Variants in MST1R observed in about 807,000 individuals in gnomAD.
The protein encoded by MST1R is macrophage-stimulating protein receptor.
In MST1R, 99 loss-of-function variants were observed where a neutral mutation model predicts 117.8. The ratio of observed to expected loss-of-function variants is 0.84; its 90% CI spans 0.71 to 0.99. The LOEUF is 0.99. Among genes scored for constraint, MST1R ranks in the 50% least tolerant of loss-of-function variants. The pLI, the probability that MST1R is intolerant of heterozygous loss-of-function variation, is 0.00. For synonymous variants in MST1R, 734 were observed against 765.3 expected, an observed-to-expected ratio of 0.96 and a Z score of 0.68; for missense variants, 1,683 against 1,840.2, an observed-to-expected ratio of 0.91 and a Z score of 1.56.
At chr3:49,899,524 T>C (rs1037368406) in intron 1 of MST1R, 1 of 444,366 alleles carries the variant, frequency 2.3e-6, no homozygotes, top group African/African-American at 2.0e-5. Context: ...TGATGGTGAG[T>C]TACCCCCATT....
chr3:49,891,723 C>T (rs1366598823), intron 15 of MST1R, 35 bp downstream of exon 15: 1 of 1,611,714 alleles, frequency 6.2e-7, no homozygotes, highest in Admixed American at 1.7e-5. Flanking sequence ...GCCTGAGGCC[C>T]CTCCCTCTGC....
At position 49,896,810 on chromosome 3, in the gene MST1R, C is replaced by G. The variant is rs761606392; in HGVS notation, c.2264G>C (p.Gly755Ala). The change falls in exon 8 of 20, where the codon GGT becomes GCT. Residue 755 changes from glycine to alanine, a missense_variant. Gly to Ala is a moderately conservative substitution (Grantham distance 60, BLOSUM62 0). Transcript: ENST00000296474. ...ASVPLSLQVG[G>A]AQVPGSWTFQ... Reference sequence around the variant, plus strand: ...GGTCCAGGAACCAGGTACCTGGGCACCCCCCACCTGCAGGCTAAGGGGGAC... The same window carrying G: ...GGTCCAGGAACCAGGTACCTGGGCAGCCCCCACCTGCAGGCTAAGGGGGAC... 2 of 1,559,114 alleles carry G rather than the reference C, an allele frequency of 1.3e-6. No individual in the cohort carries two copies. The highest frequency in any genetic ancestry group is 1.7e-6 in the Non-Finnish European group (2 of 1,150,618).
chr3:49,896,266 G>A lies in MST1R; in HGVS notation c.2578C>T (p.Leu860=). The A allele has an allele frequency of 6.2e-7, 1 of 1,614,184 alleles. No individual in the cohort carries two copies. Among genetic ancestry groups the A allele is most frequent in the East Asian group, 2.2e-5 (1 of 44,878 alleles). The part of the protein sequence containing the change: ...AGFTLPGFRF[L]PPPHPPSANL... Reference sequence around the variant, plus strand: ...GCACTGGGTGGATGGGGTGGGGGTAGGAAGCGAAAGCCAGGCAGTGTAAAG... The same window carrying A: ...GCACTGGGTGGATGGGGTGGGGGTAAGAAGCGAAAGCCAGGCAGTGTAAAG... The change falls in exon 10 of 20, where the codon CTA becomes TTA. Residue 860 remains leucine (L), a synonymous_variant. Transcript: ENST00000296474.
Position 49,897,391 on chromosome 3 carries a change from G to C in MST1R, c.2072C>G (p.Pro691Arg), listed in dbSNP as rs925816301. ...GCCTCCTGCCCGTGGGCCAAAGAGG[G>C]GTTGCACTGCTATCAGCACTGGCTC... ...FMEPVLIAVQ[P>R]LFGPRAGGTC... The change falls in exon 7 of 20, where the codon CCC (proline) becomes CGC (arginine). Residue 691 changes from proline (P) to arginine (R), a missense_variant. Coordinates refer to ENST00000296474, the MANE Select transcript of MST1R (RefSeq NM_002447.4). The C allele has an allele frequency of 6.2e-7, 1 of 1,613,786 alleles. No homozygotes were observed. The highest frequency in any genetic ancestry group is 1.7e-5 in the Admixed American group (1 of 59,984).
rs749131742 is a variant in MST1R at position 49,903,313 on chromosome 3, A to G, written c.297T>C (p.Pro99=). The change falls in exon 1 of 20, where the codon CCT becomes CCC. Residue 99 remains proline, a synonymous_variant. Coordinates refer to ENST00000296474, the MANE Select transcript of MST1R (RefSeq NM_002447.4). ...QSLATGPAGD[P]GCQTCAACGP... ...CACAGGCTGCACACGTCTGGCAGCC[A>G]GGGTCTCCAGCAGGGCCCGTGGCCA... 3 of 1,612,932 alleles carry G rather than the reference A, an allele frequency of 1.9e-6. No individual in the cohort carries two copies. The South Asian group carries it at 3.3e-5, about 18-fold the overall frequency.
chr3:49,902,491 C>G lies in MST1R; in HGVS notation c.1119G>C (p.Leu373=), dbSNP rs771715948. ...CACCCTCATCAATTAGTGTGTCCAG[C>G]AGGTCAATGGGGAAGGCACAGACGA... ...NSVVCAFPID[L]LDTLIDEGVE... is the part of the protein sequence containing the mutation. Residue 373 remains leucine, a synonymous_variant, in exon 1 of 20, where the codon CTG becomes CTC. Transcript: ENST00000296474. 1 of 1,614,192 alleles carries G rather than the reference C, an allele frequency of 6.2e-7. No individual in the cohort carries two copies. The highest frequency in any genetic ancestry group is 1.3e-5 in the African/African-American group (1 of 75,060).
chr3:49,892,003 G>C (rs2082330815), intron 14 of MST1R, 165 bp from the exon 15 acceptor site: 2 of 511,614 alleles, frequency 3.9e-6, no homozygotes, highest in East Asian at 7.1e-5. Context: ...TCTCACTCTT[G>C]CCCAGGCTGA....
chr3:49,900,905 C>T (rs982071861), intron 1 of MST1R, among the ~76,000 whole-genome samples: 2 of 152,208 alleles, frequency 1.3e-5, no homozygotes, highest in African/African-American at 4.8e-5. Flanking sequence ...AGGCCAACCA[C>T]TATGTGGGTG....
Position 49,891,502 on chromosome 3 carries a change from A to G in MST1R, c.3431T>C (p.Leu1144Pro). 6.2e-7 allele frequency: 1 copy of G among 1,614,048 alleles called. No homozygotes were observed. Among genetic ancestry groups the G allele is most frequent in the Non-Finnish European group, 8.5e-7 (1 of 1,180,040 alleles). The stretch of plus-strand genomic sequence containing the variant: ...TGGCAACATGATACCAATGAGAGCC[A>G]GCACATTCGGGTGGTTCAGGCCACG... ...LMRGLNHPNV[L>P]ALIGIMLPPE... The change falls in exon 16 of 20, where the codon CTG becomes CCG. Residue 1144 changes from leucine (L) to proline (P), a missense_variant. By Grantham distance (98) the Leu-to-Pro change is moderately conservative. Coordinates refer to ENST00000296474, the MANE Select transcript of MST1R (RefSeq NM_002447.4).
At chr3:49,894,725 G>C (rs1007946550) in intron 14 of MST1R, among the ~76,000 whole-genome samples, 6 of 152,018 alleles carry the variant, frequency 3.9e-5, no homozygotes, top group African/African-American at 1.4e-4. Context: ...TGGAGGCTCA[G>C]AGAGGTTAAG....
rs750188753 is a variant in MST1R, at chr3:49,897,604, G to A, written c.1962C>T (p.Asn654=). Residue 654 remains asparagine (N), a synonymous_variant, in exon 6 of 20, where the codon AAC becomes AAT. Transcript: ENST00000296474. ...PLGTQAVGPT[N]VSLTVTNMPP... is the part of the protein sequence containing the mutation. ...GCATGTTAGTCACGGTGAGGCTGAC[G>A]TTGGTAGGCCCCACTGCCTGGGTGC... 25 of 1,614,052 alleles carry A rather than the reference G, an allele frequency of 1.5e-5. No homozygotes were observed. Among genetic ancestry groups the A allele is most frequent in the Middle Eastern group, 1.6e-4 (1 of 6,084 alleles).
chr3:49,900,480 G>C (rs532550632), intron 1 of MST1R, among the ~76,000 whole-genome samples: 50 of 152,252 alleles, frequency 3.3e-4, no homozygotes, highest in Admixed American at 2.0e-3. Flanking sequence ...GCCTCTGAAG[G>C]CTCCATCAGA....
In MST1R at chr3:49,902,929, T is replaced by TCCCGAGG; in HGVS notation, c.674_680dup (p.Phe228LeufsTer23). ...ACAACGCCACAAAGCCCGGTGCGAA[T>TCCCGAGG]CCCGAGGCGTCAGCCTTGAGACGCC... On this transcript the variant is annotated frameshift_variant, in exon 1 of 20. Coordinates refer to ENST00000296474, the MANE Select transcript of MST1R (RefSeq NM_002447.4). LOFTEE classifies it high-confidence loss of function. 1 of 1,613,426 alleles carries TCCCGAGG rather than the reference T, an allele frequency of 6.2e-7. No individual in the cohort carries two copies. The highest frequency in any genetic ancestry group is 2.2e-5 in the East Asian group (1 of 44,890).
At chr3:49,897,716 C>T (rs1356487746) in intron 5 of MST1R, 31 bp from the exon 6 acceptor site, 2 of 1,587,632 alleles carry the variant, frequency 1.3e-6, no homozygotes, top group Non-Finnish European at 1.7e-6. Context: ...CTGAGGTCAG[C>T]CAGGAATTAC....
chr3:49,896,936 G>A (rs1192984806), intron 7 of MST1R, 46 bp from the exon 8 acceptor site: 2 of 1,450,988 alleles, frequency 1.4e-6, no homozygotes, highest in Non-Finnish European at 1.8e-6. Context: ...CTTTGTGATG[G>A]CCAGGCCCAC....
intron 1 of MST1R, among the ~76,000 whole-genome samples, chr3:49,900,978 C>G (rs1253510565): frequency 6.6e-6 from 1 of 152,218 alleles, no homozygotes; most frequent in Non-Finnish European, 1.5e-5. Context: ...ATTCACACAC[C>G]TCCTGGGGGC....
At chr3:49,901,068 C>T (rs1417338578) in intron 1 of MST1R, among the ~76,000 whole-genome samples, 2 of 152,200 alleles carry the variant, frequency 1.3e-5, no homozygotes, top group Admixed American at 6.5e-5. Context: ...GTCTTCTGAC[C>T]CACTGACCAC....
At chr3:49,896,496 G>A (rs1328216540) in intron 9 of MST1R, 44 bp downstream of exon 9, 25 of 1,611,502 alleles carry the variant, frequency 1.6e-5, no homozygotes, top group Non-Finnish European at 2.1e-5. Context: ...TGCAGCTCAG[G>A]GAACTCATCC....
intron 18 of MST1R, 68 bp from the exon 19 acceptor site, chr3:49,890,128 C>A: frequency 6.6e-7 from 1 of 1,524,314 alleles, no homozygotes; most frequent in Non-Finnish European, 8.8e-7. Context: ...TCCCCCAGGG[C>A]TTCTACCTCC....
Sources: allele counts gnomAD v4.1 joint callset (sites outside exome capture counted in the v4.1 genomes callset), GRCh38; gene constraint gnomAD v4.1.1; transcripts MANE v1.5; gene names NCBI Gene and HGNC (gene_info 2026-07-23, HGNC 2026-07-21).